SLC35E4: variants seen among roughly 807,000 people sequenced by gnomAD.
SLC35E4 encodes solute carrier family 35 member E4, also known as solute carrier family 35, member E4.
A neutral mutation model predicts 19.3 loss-of-function variants in SLC35E4; 15 were observed. The ratio of observed to expected loss-of-function variants is 0.78; its 90% CI spans 0.52 to 1.20. The LOEUF (loss-of-function observed/expected upper bound fraction) is 1.20, where lower values mean the gene tolerates loss of function less well. SLC35E4 is among the 50% of genes most tolerant of loss of function. SLC35E4 has a pLI of 0.00. For synonymous variants in SLC35E4, 219 were observed against 219.9 expected (o/e 1.00, Z 0.04); for missense variants, 406 against 472.3 (o/e 0.86, Z 1.30).
intron 1 of SLC35E4, among the ~76,000 whole-genome samples, chr22:30,641,851 T>A (rs1412456388): frequency 6.7e-6 from 1 of 149,420 alleles, no homozygotes. Context: ...TGAGCCAACA[T>A]GCCGACAGAT....
chr22:30,640,369 CAAAAA>C (rs34746167), intron 1 of SLC35E4, among the ~76,000 whole-genome samples: 5 of 115,466 alleles, frequency 4.3e-5, no homozygotes, highest in South Asian at 2.7e-4. Context: ...GACTCCATCT[CAAAAA>C]AAAAAAAAAA....
Position 30,636,922 on chromosome 22 carries a change from C to T in SLC35E4, c.472C>T (p.Arg158Cys), listed in dbSNP as rs374433777. 127 of 1,611,692 alleles carry T rather than the reference C, an allele frequency of 7.9e-5. No homozygotes were observed. Among genetic ancestry groups the T allele is most frequent in the East Asian group, 7.8e-4 (35 of 44,858 alleles). The change falls in exon 1 of 2, where the codon CGC becomes TGC. Residue 158 changes from arginine (R) to cysteine (C), a missense_variant. Arg to Cys is a radical substitution (Grantham distance 180). Coordinates refer to ENST00000343605, the MANE Select transcript of SLC35E4 (RefSeq NM_001001479.4). ...CCTGTCGGCGCTGCTGCTGGGCCGC[C>T]GCCACCACCCACTTCAGTTGGCCGC... ...LALSALLLGR[R>C]HHPLQLAAMG...
chr22:30,655,902 G>A (rs1474442698), intron 2 of SLC35E4, among the ~76,000 whole-genome samples: 1 of 151,672 alleles, frequency 6.6e-6, no homozygotes, highest in Admixed American at 6.6e-5. Context: ...ATTGGGTCAC[G>A]ATCCAGAGGT....
chr22:30,649,251 G>A, downstream of SLC35E4: 1 of 717,320 alleles, frequency 1.4e-6, no homozygotes. Context: ...AGTGAGGAAG[G>A]AGGTAATGGC....
rs1381576497 is a variant in SLC35E4, at chr22:30,636,416, G to A, written c.-35G>A. Reference sequence around the variant, plus strand: ...CTGGTGGCCCAGAGGTCGTCACTGGGGAGCCCGCCTCCTGCCCTAGCCTCA... The same window carrying A: ...CTGGTGGCCCAGAGGTCGTCACTGGAGAGCCCGCCTCCTGCCCTAGCCTCA... On this transcript the variant is annotated 5_prime_UTR_variant, in exon 1 of 2. Coordinates refer to ENST00000343605, the MANE Select transcript of SLC35E4 (RefSeq NM_001001479.4). 14 of 1,448,964 alleles carry A rather than the reference G, an allele frequency of 9.7e-6. No homozygotes were observed. Among genetic ancestry groups the A allele is most frequent in the Non-Finnish European group, 1.3e-5 (14 of 1,098,624 alleles). The allele number at this position is 1,448,964 out of a possible 1,614,324, so 89.8% of individuals were successfully genotyped here.
downstream of SLC35E4, among the ~76,000 whole-genome samples, chr22:30,666,216 C>T (rs189107795): frequency 1.6e-3 from 239 of 152,208 alleles, no homozygotes; most frequent in African/African-American, 5.5e-3. Flanking sequence ...CAGTGGGTAA[C>T]GGGAATAGAG....
chr22:30,651,425 ATATTTTTTTTTTTTTTTTTT>A (rs2088218930), downstream of SLC35E4, among the ~76,000 whole-genome samples: 1 of 27,446 alleles, frequency 3.6e-5, no homozygotes, highest in Admixed American at 6.9e-4. Flanking sequence ...ATATATATAT[ATATTTTTTTTTTTTTTTTTT>A]TTTTTTTTTT....
chr22:30,651,807 G>A (rs1190854217), downstream of SLC35E4, among the ~76,000 whole-genome samples: 1 of 152,112 alleles, frequency 6.6e-6, no homozygotes, highest in Non-Finnish European at 1.5e-5. Flanking sequence ...CAACAAACAT[G>A]TAGTATCTCA....
At chr22:30,654,803 C>T (rs547235159) in intron 2 of SLC35E4, 3 of 191,966 alleles carry the variant, frequency 1.6e-5, no homozygotes, top group Non-Finnish European at 3.2e-5. Flanking sequence ...CCGGGACCTG[C>T]CCCTCTGCCA....
At position 30,636,706 on chromosome 22, in the gene SLC35E4, C is replaced by A. The variant is rs758154841; in HGVS notation, c.256C>A (p.His86Asn). 1.9e-5 allele frequency: 31 copies of A among 1,611,784 alleles called. No homozygotes were observed. The highest frequency in any genetic ancestry group is 2.3e-5 in the Non-Finnish European group (27 of 1,179,062). Residue 86 changes from histidine (H) to asparagine (N), a missense_variant, in exon 1 of 2, where the codon CAC becomes AAC. Physicochemically the swap from His to Asn is moderately conservative, Grantham distance 68. Coordinates refer to ENST00000343605, the MANE Select transcript of SLC35E4 (RefSeq NM_001001479.4). ...GCGGCCCCTGCTGCTGTCGGCCCTGCACATGCTGGTGGCAGCCCTGGCATG... is the reference window on the plus strand; with the variant it reads ...GCGGCCCCTGCTGCTGTCGGCCCTGAACATGCTGGTGGCAGCCCTGGCATG... ...FGRPLLLSAL[H>N]MLVAALACHR... is the part of the protein sequence containing the mutation.
At chr22:30,643,415 T>A (rs1569058573) in intron 1 of SLC35E4, among the ~76,000 whole-genome samples, 1 of 152,284 alleles carries the variant, frequency 6.6e-6, no homozygotes, top group East Asian at 1.9e-4. Flanking sequence ...GGAAGAGACA[T>A]GCAATGATGA....
At chr22:30,664,009 C>T (rs747567208), downstream of SLC35E4, 6 of 1,609,126 alleles carry the variant, frequency 3.7e-6, no homozygotes, top group South Asian at 1.1e-5. Flanking sequence ...GTCATCAAGG[C>T]GGTGGGTCAG....
chr22:30,660,476 G>GA (rs1000961869), intron 2 of SLC35E4, among the ~76,000 whole-genome samples: 26 of 152,050 alleles, frequency 1.7e-4, no homozygotes, highest in African/African-American at 6.0e-4. Flanking sequence ...CCCACCTAGA[G>GA]AAAATTTTTT....
downstream of SLC35E4, among the ~76,000 whole-genome samples, chr22:30,666,217 G>A (rs1465443679): frequency 6.6e-6 from 1 of 152,198 alleles, no homozygotes; most frequent in Non-Finnish European, 1.5e-5. Context: ...AGTGGGTAAC[G>A]GGAATAGAGG....
At chr22:30,637,778 C>T (rs2087974221) in intron 1 of SLC35E4, among the ~76,000 whole-genome samples, 1 of 152,216 alleles carries the variant, frequency 6.6e-6, no homozygotes, top group Admixed American at 6.5e-5. Context: ...GGCCAGTGAG[C>T]AGCAGAGGCA....
chr22:30,653,511 A>G (rs1345977320), intron 2 of SLC35E4, among the ~76,000 whole-genome samples: 1 of 151,884 alleles, frequency 6.6e-6, no homozygotes, highest in African/African-American at 2.4e-5. Context: ...AGGTGGAACT[A>G]CAGGTGCACA....
At chr22:30,654,976 G>A (rs1188619068) in intron 2 of SLC35E4, among the ~76,000 whole-genome samples, 1 of 152,188 alleles carries the variant, frequency 6.6e-6, no homozygotes, top group Non-Finnish European at 1.5e-5. Context: ...GGAAACTGAA[G>A]CCCAAAGAAT....
chr22:30,644,232 A>C (rs2088091606), intron 1 of SLC35E4, among the ~76,000 whole-genome samples: 1 of 152,268 alleles, frequency 6.6e-6, no homozygotes, highest in Non-Finnish European at 1.5e-5. Flanking sequence ...TGTTGCCTAG[A>C]GAACAAAGCT....
Position 30,646,666 on chromosome 22 carries a change from T to C in SLC35E4, c.688T>C (p.Cys230Arg). ...LLYATSLPSF[C>R]LLAGAALVLE... is the part of the protein sequence containing the mutation. ...TTACGCCACCTCGCTGCCCAGCTTC[T>C]GCCTGCTGGCGGGTGCAGCCCTGGT... Residue 230 changes from cysteine (C) to arginine (R), a missense_variant, in exon 2 of 2, where the codon TGC (cysteine) becomes CGC (arginine). Cys to Arg is a radical substitution (Grantham distance 180, BLOSUM62 -3). Coordinates refer to ENST00000343605, the MANE Select transcript of SLC35E4 (RefSeq NM_001001479.4). The C allele has an allele frequency of 6.2e-7, 1 of 1,612,884 alleles. No individual in the cohort carries two copies. Among genetic ancestry groups the C allele is most frequent in the Non-Finnish European group, 8.5e-7 (1 of 1,179,684 alleles).
Sources: gnomAD v4.1 joint callset for allele counts (sites outside exome capture counted in the v4.1 genomes callset) on GRCh38, gnomAD v4.1.1 for gene constraint, MANE v1.5 for transcripts, NCBI Gene and HGNC (gene_info 2026-07-23, HGNC 2026-07-21) for gene names.